The following COL4A5 variants were observed in gnomAD, a reference collection of about 807,000 sequenced individuals.
COL4A5 encodes collagen type IV alpha 5 chain.
A neutral mutation model predicts 130.2 loss-of-function variants in COL4A5; 26 were observed. The ratio of observed to expected loss-of-function variants is 0.20; its 90% CI spans 0.15 to 0.28. The LOEUF is 0.28. Among genes scored for constraint, COL4A5 ranks in the 10% least tolerant of loss-of-function variants. The pLI is 1.00. For synonymous variants in COL4A5, 496 were observed against 439.6 expected, an observed-to-expected ratio of 1.13 and a Z score of -1.60; for missense variants, 1,131 against 1,344.3, an observed-to-expected ratio of 0.84 and a Z score of 2.48.
Position 108,598,070 on chromosome X carries a change from A to AAG in COL4A5, c.1779+503_1779+504insGA, listed in dbSNP as rs1188921827. On this transcript the variant is annotated intron_variant, in intron 24 of 52. Transcript: ENST00000328300. ...GCCGGGCATGGTGGTGGGCGCCTGTAATCCCAGCTACTCGGGAGGCTGAGG... is the reference window on the plus strand; with the variant it reads ...GCCGGGCATGGTGGTGGGCGCCTGTAAGATCCCAGCTACTCGGGAGGCTGAGG... Among the ~76,000 whole-genome samples the AAG allele has an allele frequency of 6.3e-5, 7 of 110,782 alleles. No individual in the cohort carries two copies. The Admixed American group carries it at 6.8e-4, about 11-fold the overall frequency.
At chrX:108,451,171 A>C (rs1339679679) in intron 1 of COL4A5, among the ~76,000 whole-genome samples, 2 of 111,457 alleles carry the variant, frequency 1.8e-5, no homozygotes, top group South Asian at 7.7e-4. Context: ...AAAGGACAGG[A>C]ACTCATCCTT....
chrX:108,498,852 T>C (rs915078030), intron 1 of COL4A5, among the ~76,000 whole-genome samples: 2 of 111,458 alleles, frequency 1.8e-5, no homozygotes, highest in Non-Finnish European at 3.8e-5. Context: ...TAATCACTTT[T>C]ATACTGTGAG....
rs889041673 is a variant in COL4A5 at position 108,536,632 on chromosome X, C to G, written c.82-3114C>G. ...TTCCTCTAGGTAGCTTTCTGTCTAT[C>G]CTTCCAAGTTGAAGTCCAGGTATTC... On this transcript the variant is annotated intron_variant, in intron 1 of 52. Coordinates refer to ENST00000328300, the MANE Select transcript of COL4A5 (RefSeq NM_033380.3). 3.6e-5 allele frequency among the ~76,000 whole-genome samples: 4 copies of G among 111,385 alleles called. No homozygotes were observed. The Admixed American group carries it at 3.8e-4, about 11-fold the overall frequency.
intron 49 of COL4A5, among the ~76,000 whole-genome samples, chrX:108,691,343 A>G (rs1486064281): frequency 1.8e-5 from 2 of 111,610 alleles, no homozygotes; most frequent in Admixed American, 9.6e-5. Context: ...GATTATATAC[A>G]TAAAAAAAAT....
intron 4 of COL4A5, among the ~76,000 whole-genome samples, chrX:108,566,042 T>C (rs1271660910): frequency 9.4e-6 from 1 of 106,689 alleles, no homozygotes; most frequent in Non-Finnish European, 1.9e-5. Flanking sequence ...AACATTAGCC[T>C]GATTCTGCCA....
intron 1 of COL4A5, chrX:108,440,527 C>T: frequency 7.4e-6 from 2 of 269,207 alleles, no homozygotes; most frequent in South Asian, 1.3e-4. Flanking sequence ...AACTTTTCCT[C>T]CCCTCCCTCC....
intron 1 of COL4A5, among the ~76,000 whole-genome samples, chrX:108,497,132 G>A (rs1233421680): frequency 4.5e-5 from 5 of 111,809 alleles, no homozygotes; most frequent in African/African-American, 6.5e-5. Flanking sequence ...GTGGTATTTT[G>A]TGATTAGTTT....
chrX:108,601,588 G>A (rs769712784), intron 26 of COL4A5, 103 bp downstream of exon 26: 19 of 581,199 alleles, frequency 3.3e-5, no homozygotes, highest in Non-Finnish European at 3.9e-5. Flanking sequence ...GTACAGTGGC[G>A]TGATGTTGGC....
intron 2 of COL4A5, among the ~76,000 whole-genome samples, chrX:108,544,684 G>A (rs1049395503): frequency 5.4e-5 from 6 of 111,031 alleles, no homozygotes; most frequent in Admixed American, 1.9e-4. Context: ...AGAAGGAATG[G>A]TAGCAGCTCC....
intron 8 of COL4A5, among the ~76,000 whole-genome samples, chrX:108,572,567 G>A (rs924604867): frequency 3.4e-4 from 38 of 111,082 alleles, no homozygotes; most frequent in African/African-American, 1.2e-3. Context: ...TAAACACTAA[G>A]TGTGCCTGTA....
At chrX:108,649,934 G>A (rs907001739) in intron 36 of COL4A5, among the ~76,000 whole-genome samples, 3 of 111,471 alleles carry the variant, frequency 2.7e-5, no homozygotes, top group Non-Finnish European at 5.7e-5. Context: ...ACGAGCTTTT[G>A]CACAGCAAAA....
chrX:108,650,961 T>C (rs780908097), intron 36 of COL4A5, among the ~76,000 whole-genome samples: 3 of 111,024 alleles, frequency 2.7e-5, no homozygotes, highest in Non-Finnish European at 5.7e-5. Flanking sequence ...AAAACCAAAG[T>C]GTGCTATCCC....
At position 108,440,275 on chromosome X, in the gene COL4A5, G is replaced by T; in HGVS notation, c.81+69G>T. 3 of 741,669 alleles carry T rather than the reference G, an allele frequency of 4.0e-6. No individual in the cohort carries two copies. The East Asian group carries it at 9.8e-5, about 24-fold the overall frequency. The allele number at this position is 741,669 out of a possible 1,213,427, so 61.1% of individuals were successfully genotyped here. A position where few individuals can be genotyped will look rare whatever the true frequency, so the allele number is the denominator to read the frequency against. On this transcript the variant is annotated intron_variant, in intron 1 of 52. Coordinates refer to ENST00000328300, the MANE Select transcript of COL4A5 (RefSeq NM_033380.3). ...ACGCTGAAATTACCTTTTTTTTGGG[G>T]GGGGGGTCCCTTTATCTTCCTTTTG...
Position 108,692,393 on chromosome X carries a change from C to T in COL4A5, c.4529-355C>T, listed in dbSNP as rs778315380. On this transcript the variant is annotated intron_variant, in intron 49 of 52. Transcript: ENST00000328300. ...GAAGAAGAGAGGGCAGCCTGGAGCA[C>T]GAAATATTGATAAGATATCGTAAGG... Among the ~76,000 whole-genome samples, 102 of 110,965 alleles carry T rather than the reference C, an allele frequency of 9.2e-4. No individual in the cohort carries two copies. The highest frequency in any genetic ancestry group is 2.9e-3 in the African/African-American group (90 of 30,539).
intron 1 of COL4A5, among the ~76,000 whole-genome samples, chrX:108,484,268 A>G (rs2064922962): frequency 8.9e-6 from 1 of 111,752 alleles, no homozygotes; most frequent in East Asian, 2.8e-4. Context: ...ATCTATTTTG[A>G]ATTCTCTGTC....
intron 1 of COL4A5, among the ~76,000 whole-genome samples, chrX:108,454,529 G>A (rs1440646348): frequency 1.8e-5 from 2 of 110,831 alleles, no homozygotes; most frequent in African/African-American, 3.3e-5. Context: ...CACCCTCCTC[G>A]GCCTCCCAAA....
chrX:108,534,927 T>C (rs1320323588), intron 1 of COL4A5, among the ~76,000 whole-genome samples: 1 of 111,002 alleles, frequency 9.0e-6, no homozygotes, highest in East Asian at 2.8e-4. Context: ...TCACCTCTTC[T>C]AGAATCCCAA....
Position 108,625,658 on chromosome X carries a change from CCCAATATTGCTACATTGTCTTAATTTTA to C in COL4A5, c.3017-41_3017-14del, listed in dbSNP as rs1200087011. On this transcript the variant is annotated intron_variant, in intron 34 of 52. Transcript: ENST00000328300. ...ATCCATTCCCATGAAACCAGACAAC[CCCAATATTGCTACATTGTCTTAATTTTA>C]CCAATTTGACCTTTCTAGGTCCCAA... 2 of 843,460 alleles carry C rather than the reference CCCAATATTGCTACATTGTCTTAATTTTA, an allele frequency of 2.4e-6. No individual in the cohort carries two copies. The highest frequency in any genetic ancestry group is 3.6e-6 in the Non-Finnish European group (2 of 563,232). The allele number at this position is 843,460 out of a possible 1,213,427, so 69.5% of individuals were successfully genotyped here. A position where few individuals can be genotyped will look rare whatever the true frequency, so the allele number is the denominator to read the frequency against.
At chrX:108,511,070 C>T (rs1172288373) in intron 1 of COL4A5, among the ~76,000 whole-genome samples, 1 of 110,670 alleles carries the variant, frequency 9.0e-6, no homozygotes, top group Non-Finnish European at 1.9e-5. Context: ...TACAATGAAC[C>T]CTTGTATACT....
Sources: gnomAD v4.1 joint callset for allele counts (sites outside exome capture counted in the v4.1 genomes callset) on GRCh38, gnomAD v4.1.1 for gene constraint, MANE v1.5 for transcripts, NCBI Gene and HGNC (gene_info 2026-07-23, HGNC 2026-07-21) for gene names.